Variants in AKAP13 observed in about 807,000 individuals in gnomAD.
The protein encoded by AKAP13 is A-kinase anchor protein 13.
AKAP13 carries 80 observed loss-of-function variants against 264.5 expected under a neutral mutation model. That is an observed-to-expected ratio of 0.30 (90% CI 0.25 to 0.36). AKAP13 has a LOEUF of 0.36. Ranked by LOEUF, AKAP13 falls within the 10% of genes least tolerant of loss-of-function variation. AKAP13 has a pLI of 1.00. For synonymous variants in AKAP13, 1,380 were observed against 1,250.2 expected, an observed-to-expected ratio of 1.10 and a Z score of -2.19; for missense variants, 3,712 against 3,435.2, an observed-to-expected ratio of 1.08 and a Z score of -2.01.
At chr15:85,585,228 T>C (rs899062319) in intron 7 of AKAP13, among the ~76,000 whole-genome samples, 2 of 152,214 alleles carry the variant, frequency 1.3e-5, no homozygotes, top group Non-Finnish European at 2.9e-5. Context: ...GTGTGTTGTA[T>C]GTTAGTGAAA....
chr15:85,668,614 TAA>T (rs1372295848), intron 13 of AKAP13, among the ~76,000 whole-genome samples: 1 of 152,228 alleles, frequency 6.6e-6, no homozygotes, highest in Non-Finnish European at 1.5e-5. Flanking sequence ...TTTGTGATCT[TAA>T]GACACTTTAC....
intron 8 of AKAP13, among the ~76,000 whole-genome samples, chr15:85,615,906 T>C (rs1345867162): frequency 6.6e-6 from 1 of 152,190 alleles, no homozygotes; most frequent in African/African-American, 2.4e-5. Flanking sequence ...GAAATCTTGG[T>C]CCAGAGGGTC....
chr15:85,544,417 CAATT>C (rs1330525409), intron 5 of AKAP13, among the ~76,000 whole-genome samples: 1 of 151,998 alleles, frequency 6.6e-6, no homozygotes, highest in African/African-American at 2.4e-5. Flanking sequence ...ATATTGTAAA[CAATT>C]AAGTTTTGGA....
At chr15:85,407,880 C>T in intron 1 of AKAP13, among the ~76,000 whole-genome samples, 1 of 151,646 alleles carries the variant, frequency 6.6e-6, no homozygotes, top group Non-Finnish European at 1.5e-5. Context: ...CATTGCCTCT[C>T]AGACAAGTTA....
Position 85,645,948 on chromosome 15 carries a change from C to T in AKAP13, c.4368C>T (p.Phe1456=), listed in dbSNP as rs140330858. The change falls in exon 10 of 37, where the codon TTC becomes TTT. Residue 1456 remains phenylalanine (F), a synonymous_variant. Coordinates refer to ENST00000394518, the MANE Select transcript of AKAP13 (RefSeq NM_007200.5). ...GTGATGACATGGACAGCATCATCTT[C>T]CCAAAGGTACTGTGTGGACCTTCCT... ...SPSDDMDSII[F]PKPEEEHLAC... 484 of 1,612,730 alleles carry T rather than the reference C, an allele frequency of 3.0e-4. 1 individual carries two copies. The Middle Eastern group carries it at 3.1e-3, about 10-fold the overall frequency.
At chr15:85,635,046 C>G (rs1248541028) in intron 8 of AKAP13, 3 of 397,968 alleles carry the variant, frequency 7.5e-6, no homozygotes, top group South Asian at 1.3e-4. Flanking sequence ...CAGTGCAAGT[C>G]TTTGTGTGAC....
intron 10 of AKAP13, among the ~76,000 whole-genome samples, chr15:85,647,405 A>AAAAAT (rs142337623): frequency 0.052 from 7,972 of 151,974 alleles, 312 homozygotes; most frequent in East Asian, 0.17. Flanking sequence ...TCTCAAAAGT[A>AAAAAT]AAAATAAAAT....
At chr15:85,741,743 A>C (rs2089012061) in intron 35 of AKAP13, among the ~76,000 whole-genome samples, 1 of 146,964 alleles carries the variant, frequency 6.8e-6, no homozygotes, top group Non-Finnish European at 1.5e-5. Context: ...AAAAAAAAAC[A>C]GTTTTTAAGA....
At chr15:85,686,419 TG>T (rs1357507759) in intron 16 of AKAP13, among the ~76,000 whole-genome samples, 1 of 152,160 alleles carries the variant, frequency 6.6e-6, no homozygotes. Context: ...TAAGATCTCT[TG>T]GTTTAGCAAA....
intron 9 of AKAP13, among the ~76,000 whole-genome samples, chr15:85,645,050 G>A (rs953601671): frequency 1.2e-4 from 19 of 152,206 alleles, no homozygotes; most frequent in Non-Finnish European, 2.5e-4. Context: ...AGCCCAGGAG[G>A]TGGAGGTTGA....
chr15:85,532,988 A>G (rs2077288832), intron 3 of AKAP13, among the ~76,000 whole-genome samples: 1 of 152,252 alleles, frequency 6.6e-6, no homozygotes, highest in Non-Finnish European at 1.5e-5. Flanking sequence ...AATAATGTGT[A>G]TCTGAGAACA....
intron 30 of AKAP13, among the ~76,000 whole-genome samples, chr15:85,733,937 G>A (rs945948173): frequency 7.8e-6 from 1 of 128,482 alleles, no homozygotes; most frequent in African/African-American, 2.8e-5. Context: ...CAGTGCAATG[G>A]TGCGATCTTG....
Position 85,601,608 on chromosome 15 carries a change from T to TTGTGTGTGTGTGTGTGTGTGTGTGTGTG in AKAP13, c.4161+15799_4161+15826dup, listed in dbSNP as rs10574160. Among the ~76,000 whole-genome samples the TTGTGTGTGTGTGTGTGTGTGTGTGTGTG allele has an allele frequency of 1.0e-3, 132 of 132,076 alleles. 3 individuals carry two copies. The highest frequency in any genetic ancestry group is 4.0e-3 in the Middle Eastern group (1 of 248). 86.6% of individuals were successfully genotyped at this position (132,076 alleles called of 152,430 possible). ...TCTCATCTTCTCTCACCTGAATTCT[T>TTGTGTGTGTGTGTGTGTGTGTGTGTGTG]TGTGTGTGTGTGTGTGTGTGTGTGT... On this transcript the variant is annotated intron_variant, in intron 8 of 36. Transcript: ENST00000394518.
At chr15:85,740,910 G>A in intron 34 of AKAP13, 136 bp from the exon 35 acceptor site, 5 of 1,402,474 alleles carry the variant, frequency 3.6e-6, no homozygotes, top group Non-Finnish European at 4.7e-6. Flanking sequence ...ATTTTTATGA[G>A]ACGGGCTTGA....
intron 1 of AKAP13, among the ~76,000 whole-genome samples, chr15:85,447,353 G>T (rs116242065): frequency 8.2e-4 from 125 of 151,744 alleles, no homozygotes; most frequent in African/African-American, 2.7e-3. Flanking sequence ...ACCTGGATTT[G>T]ATTTTTAACT....
At chr15:85,626,257 A>G (rs998644547) in intron 8 of AKAP13, among the ~76,000 whole-genome samples, 1 of 152,254 alleles carries the variant, frequency 6.6e-6, no homozygotes, top group Admixed American at 6.5e-5. Flanking sequence ...GATAAAAGGT[A>G]CATACCATAA....
intron 2 of AKAP13, among the ~76,000 whole-genome samples, chr15:85,493,559 C>T (rs548526700): frequency 6.6e-6 from 1 of 152,286 alleles, no homozygotes; most frequent in East Asian, 1.9e-4. Flanking sequence ...AGTTTTATTA[C>T]AGAGATGCAT....
In AKAP13 at chr15:85,533,578, C is replaced by T. The variant is rs1277907286; in HGVS notation, c.182-6C>T. 3 of 1,598,642 alleles carry T rather than the reference C, an allele frequency of 1.9e-6. No individual in the cohort carries two copies. The highest frequency in any genetic ancestry group is 2.6e-6 in the Non-Finnish European group (3 of 1,171,308). On this transcript the variant is annotated splice_region_variant and splice_polypyrimidine_tract_variant and intron_variant, in intron 3 of 36. Coordinates refer to ENST00000394518, the MANE Select transcript of AKAP13 (RefSeq NM_007200.5). ...CTGTTTTATTTGCTGCCTGTGTTTC[C>T]TTTAGGTCATGATTGTTGTGAAACA...
At chr15:85,551,742 A>G (rs2151234451) in intron 5 of AKAP13, among the ~76,000 whole-genome samples, 1 of 152,378 alleles carries the variant, frequency 6.6e-6, no homozygotes, top group Middle Eastern at 3.4e-3. Context: ...TGGCAACAGC[A>G]TGTGATTTGT....
Sources: allele counts gnomAD v4.1 joint callset (sites outside exome capture counted in the v4.1 genomes callset), GRCh38; gene constraint gnomAD v4.1.1; transcripts MANE v1.5; gene names NCBI Gene and HGNC (gene_info 2026-07-23, HGNC 2026-07-21).